Variants in SSH2 observed in about 807,000 individuals in gnomAD.
The protein encoded by SSH2 is protein phosphatase Slingshot homolog 2.
Under a neutral mutation model 135.2 loss-of-function variants are expected in SSH2, and 37 were observed. That is an observed-to-expected ratio of 0.27 (90% confidence interval 0.21 to 0.36). SSH2 has a LOEUF of 0.36. Among genes scored for constraint, SSH2 ranks in the 10% least tolerant of loss-of-function variants. The pLI is 1.00. For synonymous variants in SSH2, 628 were observed against 646.2 expected, an observed-to-expected ratio of 0.97 and a Z score of 0.43; for missense variants, 1,408 against 1,765.3, an observed-to-expected ratio of 0.80 and a Z score of 3.63.
Position 29,849,595 on chromosome 17 carries a change from A to AT in SSH2, c.64-667dup, listed in dbSNP as rs1466660512. Among the ~76,000 whole-genome samples, 8 of 151,918 alleles carry AT rather than the reference A, an allele frequency of 5.3e-5. No homozygotes were observed. The East Asian group carries it at 1.5e-3, about 29-fold the overall frequency. On this transcript the variant is annotated intron_variant, in intron 1 of 15. Transcript: ENST00000540801. ...TTTATCTTCACATCCAAAGATACAC[A>AT]TTTGATGTATTTGTTTAGAGATAGG... is the stretch of plus-strand genomic sequence containing the variant.
At chr17:29,640,890 T>C (rs1011821601) in intron 14 of SSH2, 6 of 152,210 alleles carry the variant, frequency 3.9e-5, no homozygotes, top group African/African-American at 1.4e-4. Context: ...ATATAAATGG[T>C]ATCCCACTGT....
At chr17:29,632,993 T>A (rs1316338829) in intron 15 of SSH2, 62 bp from the exon 16 acceptor site, 1 of 1,426,252 alleles carries the variant, frequency 7.0e-7, no homozygotes, top group Non-Finnish European at 9.6e-7. Context: ...AATGCTGGAT[T>A]TTCTGCTTAT....
chr17:29,655,953 C>A (rs2036762793), intron 11 of SSH2, among the ~76,000 whole-genome samples: 1 of 152,164 alleles, frequency 6.6e-6, no homozygotes, highest in Admixed American at 6.6e-5. Context: ...TCCTCAACAG[C>A]ATGTATCACA....
chr17:29,710,030 G>A (rs957458035), intron 3 of SSH2, among the ~76,000 whole-genome samples: 3 of 152,160 alleles, frequency 2.0e-5, no homozygotes, highest in East Asian at 1.9e-4. Context: ...TGGAGGAAAA[G>A]GTCAACTAAG....
intron 12 of SSH2, among the ~76,000 whole-genome samples, chr17:29,651,059 A>T (rs1479399852): frequency 6.6e-6 from 1 of 152,220 alleles, no homozygotes; most frequent in East Asian, 1.9e-4. Context: ...TTCCATTTTC[A>T]GTTTATGTAG....
chr17:29,696,672 C>CGTGTGTGT (rs60502729), intron 4 of SSH2, among the ~76,000 whole-genome samples: 1 of 137,436 alleles, frequency 7.3e-6, no homozygotes, highest in Admixed American at 7.2e-5. Context: ...TATATACGTA[C>CGTGTGTGT]GTGTGTGTGT....
chr17:29,906,981 A>C (rs1245489883), intron 1 of SSH2, among the ~76,000 whole-genome samples: 7 of 152,218 alleles, frequency 4.6e-5, no homozygotes, highest in Non-Finnish European at 1.0e-4. Flanking sequence ...AGAGGCAGAA[A>C]TAAAATTTAA....
chr17:29,922,746 C>G (rs2066997896), intron 1 of SSH2, among the ~76,000 whole-genome samples: 1 of 152,060 alleles, frequency 6.6e-6, no homozygotes, highest in African/African-American at 2.4e-5. Context: ...CCAAGGAGTT[C>G]AAGGCTAGCC....
At position 29,631,359 on chromosome 17, in the gene SSH2, A is replaced by T. The variant is rs1182474193; in HGVS notation, c.3835T>A (p.Ser1279Thr). Residue 1279 changes from serine to threonine, a missense_variant, in exon 16 of 16, where the codon TCC (serine) becomes ACC (threonine). This residue lies in a region of SSH2 where 1,080 missense variants were observed against 1,144.5 expected (regional missense o/e 0.94). Transcript: ENST00000540801. ...VVFQAGLTKP[S>T]QMRRSASLAK... The stretch of plus-strand genomic sequence containing the variant: ...AGAGAAGCTGAGCGCCTCATTTGGG[A>T]TGGTTTGGTGAGCCCTGCCTGGAAA... 6.2e-7 allele frequency: 1 copy of T among 1,614,056 alleles called. No individual in the cohort carries two copies. Among genetic ancestry groups the T allele is most frequent in the Non-Finnish European group, 8.5e-7 (1 of 1,180,010 alleles).
At chr17:29,761,426 C>A in intron 3 of SSH2, 1 of 1,014,408 alleles carries the variant, frequency 9.9e-7, no homozygotes, top group Non-Finnish European at 1.2e-6. Flanking sequence ...GCGGTAGAGT[C>A]CGGACTGACG....
intron 2 of SSH2, among the ~76,000 whole-genome samples, chr17:29,795,991 C>T (rs2042149794): frequency 6.6e-6 from 1 of 152,226 alleles, no homozygotes. Flanking sequence ...GATCCACCCC[C>T]ATCGGCCTCC....
intron 3 of SSH2, among the ~76,000 whole-genome samples, chr17:29,737,882 G>A (rs1305557079): frequency 6.6e-6 from 1 of 152,120 alleles, no homozygotes; most frequent in Non-Finnish European, 1.5e-5. Flanking sequence ...TCACAGGCTT[G>A]AACTTCACTT....
chr17:29,867,201 C>T (rs967656138), intron 1 of SSH2, among the ~76,000 whole-genome samples: 2 of 152,154 alleles, frequency 1.3e-5, no homozygotes, highest in Non-Finnish European at 2.9e-5. Flanking sequence ...GCTGGCAAAA[C>T]AAGGAGATAC....
intron 1 of SSH2, among the ~76,000 whole-genome samples, chr17:29,892,273 C>T (rs1399616484): frequency 2.6e-5 from 4 of 151,866 alleles, no homozygotes. Context: ...AAAGCAGCCC[C>T]CACCCCCACC....
At chr17:29,723,920 A>C (rs547941010) in intron 3 of SSH2, among the ~76,000 whole-genome samples, 3 of 152,142 alleles carry the variant, frequency 2.0e-5, no homozygotes, top group Non-Finnish European at 4.4e-5. Flanking sequence ...GGTGTATTGT[A>C]TGGGATACTC....
intron 3 of SSH2, among the ~76,000 whole-genome samples, chr17:29,710,721 A>G (rs1248245870): frequency 6.6e-6 from 1 of 152,226 alleles, no homozygotes; most frequent in Non-Finnish European, 1.5e-5. Flanking sequence ...ACAACTATCA[A>G]TACTAATGCC....
chr17:29,786,431 T>C (rs761686082), intron 3 of SSH2, among the ~76,000 whole-genome samples: 9 of 152,214 alleles, frequency 5.9e-5, no homozygotes, highest in Non-Finnish European at 1.3e-4. Flanking sequence ...AGAAAGTCCC[T>C]GTTCCCCCTT....
chr17:29,862,205 G>A (rs1329005366), intron 1 of SSH2, among the ~76,000 whole-genome samples: 1 of 152,156 alleles, frequency 6.6e-6, no homozygotes, highest in Non-Finnish European at 1.5e-5. Context: ...AGGATAAATT[G>A]ACTGGTTCCT....
intron 13 of SSH2, among the ~76,000 whole-genome samples, chr17:29,650,344 C>T (rs996285057): frequency 6.6e-6 from 1 of 152,188 alleles, no homozygotes; most frequent in Non-Finnish European, 1.5e-5. Context: ...TCCCCACTGG[C>T]AACTTAATTT....
Sources: gnomAD v4.1 joint callset for allele counts (sites outside exome capture counted in the v4.1 genomes callset) on GRCh38, gnomAD v4.1.1 for gene constraint, gnomAD v4.1.1 regional missense constraint, MANE v1.5 for transcripts, NCBI Gene and HGNC (gene_info 2026-07-23, HGNC 2026-07-21) for gene names.